SPECC1: variants seen among roughly 807,000 people sequenced by gnomAD.
SPECC1 encodes sperm antigen with calponin homology and coiled-coil domains 1, also known as cytospin-B.
Under a neutral mutation model 104.1 loss-of-function variants are expected in SPECC1, and 62 were observed. The ratio of observed to expected loss-of-function variants is 0.60; its 90% confidence interval spans 0.49 to 0.74. The LOEUF (loss-of-function observed/expected upper bound fraction) is 0.74, where lower values mean the gene tolerates loss of function less well. SPECC1 is among the 30% of genes least tolerant of loss of function. The pLI, the probability that SPECC1 is intolerant of heterozygous loss-of-function variation, is 0.00. For missense variants in SPECC1, 1,306 were observed against 1,310.5 expected (o/e 1.00, Z 0.05); for synonymous variants, 513 against 501.6 (o/e 1.02, Z -0.30).
intron 3 of SPECC1, among the ~76,000 whole-genome samples, chr17:20,175,309 C>T (rs983236615): frequency 1.3e-5 from 2 of 152,184 alleles, no homozygotes; most frequent in African/African-American, 4.8e-5. Context: ...ATCATCTAAG[C>T]GTGAATACCA....
chr17:20,055,608 A>G (rs1450978760), intron 1 of SPECC1, among the ~76,000 whole-genome samples: 1 of 152,228 alleles, frequency 6.6e-6, no homozygotes, highest in African/African-American at 2.4e-5. Flanking sequence ...GGAATTTCAC[A>G]TTAGCAGAGT....
intron 3 of SPECC1, among the ~76,000 whole-genome samples, chr17:20,141,071 C>G (rs115099717): frequency 3.9e-5 from 6 of 152,164 alleles, no homozygotes; most frequent in Non-Finnish European, 7.3e-5. Context: ...CCTGCTGCCC[C>G]CTTCTCTCCT....
In SPECC1 at chr17:20,110,360, C is replaced by T. The variant is rs547146311; in HGVS notation, c.148-67C>T. The T allele has an allele frequency of 2.0e-5, 30 of 1,525,928 alleles. No homozygotes were observed. The Admixed American group carries it at 4.1e-4, about 21-fold the overall frequency. 94.5% of individuals were successfully genotyped at this position (1,525,928 alleles called of 1,614,324 possible). The stretch of plus-strand genomic sequence containing the variant: ...CACATAGCCCAGCTCCCATGCTCTG[C>T]TTGTTTATAGCGCTCCTTCCTGAAA... On this transcript the variant is annotated intron_variant, in intron 2 of 14. Coordinates refer to ENST00000395527, the MANE Select transcript of SPECC1 (RefSeq NM_001243439.2).
chr17:20,039,804 G>GC (rs2045250771), intron 1 of SPECC1, among the ~76,000 whole-genome samples: 2 of 152,140 alleles, frequency 1.3e-5, no homozygotes, highest in South Asian at 2.1e-4. Context: ...TGATCCACCC[G>GC]CCTTGGCCTC....
intron 14 of SPECC1, among the ~76,000 whole-genome samples, chr17:20,313,343 G>C (rs1430535021): frequency 1.3e-5 from 2 of 152,240 alleles, no homozygotes; most frequent in Non-Finnish European, 2.9e-5. Flanking sequence ...CAAGGCTTTT[G>C]TGATAATCCC....
intron 3 of SPECC1, among the ~76,000 whole-genome samples, chr17:20,193,874 T>A (rs541807570): frequency 2.2e-4 from 34 of 152,312 alleles, no homozygotes; most frequent in African/African-American, 7.2e-4. Flanking sequence ...ACATTATCCA[T>A]CCCTCTTGTT....
chr17:20,224,392 G>A (rs1373855482), intron 4 of SPECC1, among the ~76,000 whole-genome samples: 2 of 152,216 alleles, frequency 1.3e-5, no homozygotes, highest in Non-Finnish European at 2.9e-5. Context: ...TTAATTAGCA[G>A]ATGGGGAATC....
intron 3 of SPECC1, among the ~76,000 whole-genome samples, chr17:20,153,391 G>A (rs903901185): frequency 6.6e-6 from 1 of 152,164 alleles, no homozygotes; most frequent in East Asian, 1.9e-4. Context: ...GGGTAGAGGG[G>A]AGCCACAGGA....
chr17:20,099,037 C>T (rs2047791801), intron 2 of SPECC1, among the ~76,000 whole-genome samples: 2 of 152,142 alleles, frequency 1.3e-5, no homozygotes, highest in Non-Finnish European at 1.5e-5. Flanking sequence ...CTGCCACTTC[C>T]CCACTGTGAA....
chr17:20,131,631 G>GTCT (rs1275572884), intron 3 of SPECC1, among the ~76,000 whole-genome samples: 2 of 147,128 alleles, frequency 1.4e-5, no homozygotes, highest in Non-Finnish European at 3.0e-5. Context: ...AAAGCATTCA[G>GTCT]TCTTCTTCTT....
intron 7 of SPECC1, among the ~76,000 whole-genome samples, chr17:20,241,316 C>T (rs1173266751): frequency 1.3e-5 from 2 of 152,144 alleles, no homozygotes. Context: ...CTATCCTGCC[C>T]CTTGTCACTA....
At chr17:20,232,721 GAGTGCACACTAATAA>G (rs2038675358) in intron 7 of SPECC1, among the ~76,000 whole-genome samples, 1 of 152,170 alleles carries the variant, frequency 6.6e-6, no homozygotes, top group African/African-American at 2.4e-5. Context: ...TAATGCAGGG[GAGTGCACACTAATAA>G]ATACGAATCC....
At chr17:20,182,739 T>G (rs2034994209) in intron 3 of SPECC1, among the ~76,000 whole-genome samples, 1 of 152,180 alleles carries the variant, frequency 6.6e-6, no homozygotes. Context: ...GAGTCTCAAG[T>G]AGCTTAGAGG....
chr17:20,014,986 C>T (rs558709906), intron 1 of SPECC1, among the ~76,000 whole-genome samples: 2 of 152,290 alleles, frequency 1.3e-5, no homozygotes, highest in South Asian at 4.1e-4. Flanking sequence ...AACTCCTGAC[C>T]TCAGGTGATC....
intron 3 of SPECC1, among the ~76,000 whole-genome samples, chr17:20,169,968 TA>T (rs1480469287): frequency 6.6e-6 from 1 of 152,244 alleles, no homozygotes; most frequent in African/African-American, 2.4e-5. Flanking sequence ...TGTAGTATCA[TA>T]GAAGTAACAT....
intron 2 of SPECC1, among the ~76,000 whole-genome samples, chr17:20,100,573 A>G (rs2047898727): frequency 6.6e-6 from 1 of 152,228 alleles, no homozygotes; most frequent in African/African-American, 2.4e-5. Context: ...TGGTCAAAAC[A>G]GGAACACTGA....
intron 7 of SPECC1, among the ~76,000 whole-genome samples, chr17:20,236,655 CTTT>C (rs34779112): frequency 7.9e-6 from 1 of 126,048 alleles, no homozygotes; most frequent in Non-Finnish European, 1.6e-5. Context: ...TGCAGTCTGG[CTTT>C]TTTTTTTTTT....
Position 20,044,886 on chromosome 17 carries a change from G to A in SPECC1, c.-22+35462G>A, listed in dbSNP as rs189262131. On this transcript the variant is annotated intron_variant, in intron 1 of 14. Transcript: ENST00000395527. ...AGGAAAGACTAAAATATTCAACATG[G>A]TATTTATCAAGTAAAGGGTGTGCTC... Among the ~76,000 whole-genome samples, 302 of 152,316 alleles carry A rather than the reference G, an allele frequency of 2.0e-3. 1 individual carries two copies. The highest frequency in any genetic ancestry group is 6.6e-3 in the African/African-American group (275 of 41,570).
At chr17:20,280,383 T>C (rs1207389870) in intron 12 of SPECC1, among the ~76,000 whole-genome samples, 2 of 152,174 alleles carry the variant, frequency 1.3e-5, no homozygotes, top group African/African-American at 4.8e-5. Flanking sequence ...AGTCACACCC[T>C]AGTAAGGGAT....
Sources: allele counts gnomAD v4.1 joint callset (sites outside exome capture counted in the v4.1 genomes callset), GRCh38; gene constraint gnomAD v4.1.1; transcripts MANE v1.5; gene names NCBI Gene and HGNC (gene_info 2026-07-23, HGNC 2026-07-21).